The following AUTS2 variants were observed in gnomAD, a reference collection of about 807,000 sequenced individuals.
AUTS2 encodes the protein autism susceptibility gene 2 protein.
In AUTS2, 17 loss-of-function variants were observed where a neutral mutation model predicts 112.4. The observed-to-expected ratio is 0.15, with a 90% CI of 0.10 to 0.23. AUTS2 has a LOEUF of 0.23. Ranked by LOEUF, AUTS2 falls within the 10% of genes least tolerant of loss-of-function variation. The pLI, the probability that AUTS2 is intolerant of heterozygous loss-of-function variation, is 1.00. For synonymous variants in AUTS2, 751 were observed against 702.7 expected (o/e 1.07, Z -1.09); for missense variants, 1,510 against 1,701.6 (o/e 0.89, Z 1.98).
intron 2 of AUTS2, among the ~76,000 whole-genome samples, chr7:69,933,069 A>G (rs1191953926): frequency 2.0e-5 from 3 of 152,234 alleles, no homozygotes. Flanking sequence ...TGGTGTGTTC[A>G]GTGTGTAATT....
intron 2 of AUTS2, among the ~76,000 whole-genome samples, chr7:70,073,091 CCT>C (rs1802862791): frequency 7.4e-6 from 1 of 134,726 alleles, no homozygotes; most frequent in South Asian, 2.8e-4. Context: ...CCTCCTTTCT[CCT>C]CTCCTTTTTT....
rs544538930 is a variant in AUTS2, at chr7:69,996,834, C to T, written c.522+97336C>T. ...CATTTACTCATAAACTGTATGTTTA[C>T]ATGAAAAAATACACATTTTATAACC... On this transcript the variant is annotated intron_variant, in intron 2 of 18. Transcript: ENST00000342771. 3.3e-5 allele frequency among the ~76,000 whole-genome samples: 5 copies of T among 150,438 alleles called. No homozygotes were observed. The South Asian group carries it at 6.3e-4, about 19-fold the overall frequency.
intron 4 of AUTS2, among the ~76,000 whole-genome samples, chr7:70,155,107 T>C (rs1255067238): frequency 6.6e-6 from 1 of 152,174 alleles, no homozygotes; most frequent in African/African-American, 2.4e-5. Context: ...GGAATATTTC[T>C]AGAGAGTGGT....
intron 2 of AUTS2, among the ~76,000 whole-genome samples, chr7:70,117,717 A>G (rs920601797): frequency 6.6e-6 from 1 of 151,968 alleles, no homozygotes; most frequent in African/African-American, 2.4e-5. Context: ...ACTGAGAAGA[A>G]TATTAAAGAT....
intron 4 of AUTS2, among the ~76,000 whole-genome samples, chr7:70,331,516 A>ATT (rs372805565): frequency 0.14 from 19,042 of 140,646 alleles, 1,328 homozygotes; most frequent in South Asian, 0.17. Context: ...GGACTCATTG[A>ATT]TTTTTTTTTT....
chr7:70,153,464 C>G (rs1807567357), intron 4 of AUTS2, among the ~76,000 whole-genome samples: 1 of 152,080 alleles, frequency 6.6e-6, no homozygotes. Context: ...CAGGAGTAAA[C>G]TTTTGTAGGT....
intron 5 of AUTS2, among the ~76,000 whole-genome samples, chr7:70,448,905 G>A (rs1796422771): frequency 6.6e-6 from 1 of 152,166 alleles, no homozygotes; most frequent in Non-Finnish European, 1.5e-5. Flanking sequence ...ATGCTCACAT[G>A]CTTACAGTGC....
At chr7:70,677,268 G>A (rs1407731157) in intron 5 of AUTS2, among the ~76,000 whole-genome samples, 1 of 152,132 alleles carries the variant, frequency 6.6e-6, no homozygotes, top group Non-Finnish European at 1.5e-5. Flanking sequence ...TCATCTCTTT[G>A]CAGAAGACAT....
chr7:69,665,569 A>T (rs1178523748), intron 1 of AUTS2, among the ~76,000 whole-genome samples: 2 of 152,194 alleles, frequency 1.3e-5, no homozygotes, highest in Non-Finnish European at 2.9e-5. Flanking sequence ...TTCCAGCTGC[A>T]GTCCTGATGT....
At chr7:70,690,097 T>G (rs893599580) in intron 5 of AUTS2, among the ~76,000 whole-genome samples, 1 of 152,242 alleles carries the variant, frequency 6.6e-6, no homozygotes, top group Non-Finnish European at 1.5e-5. Flanking sequence ...TCCTGTTATC[T>G]CACTTTCTAG....
At chr7:69,945,218 T>A (rs990502457) in intron 2 of AUTS2, among the ~76,000 whole-genome samples, 2 of 152,186 alleles carry the variant, frequency 1.3e-5, no homozygotes, top group Non-Finnish European at 2.9e-5. Context: ...TAGAACATTT[T>A]ATCACCCATG....
At chr7:70,451,638 C>A (rs1254269845) in intron 5 of AUTS2, among the ~76,000 whole-genome samples, 1 of 152,066 alleles carries the variant, frequency 6.6e-6, no homozygotes, top group Non-Finnish European at 1.5e-5. Context: ...ATAAGAAACA[C>A]CCTGGATGAA....
chr7:69,714,249 A>ATATGTGTG (rs1293327805), intron 1 of AUTS2, among the ~76,000 whole-genome samples: 4 of 92,780 alleles, frequency 4.3e-5, no homozygotes, highest in Non-Finnish European at 1.0e-4. Flanking sequence ...GTGTGTGTAT[A>ATATGTGTG]TGTGTGTGTG....
At chr7:70,500,496 A>C (rs1477939201) in intron 5 of AUTS2, among the ~76,000 whole-genome samples, 1 of 152,222 alleles carries the variant, frequency 6.6e-6, no homozygotes, top group African/African-American at 2.4e-5. Context: ...CTAGAAATGG[A>C]GAGAGACAAA....
chr7:70,618,530 T>C (rs777830400), intron 5 of AUTS2, among the ~76,000 whole-genome samples: 3 of 152,198 alleles, frequency 2.0e-5, no homozygotes, highest in Non-Finnish European at 4.4e-5. Context: ...ATATTTCATA[T>C]CCACAGAGCA....
chr7:70,241,173 A>G (rs1196113878), intron 4 of AUTS2, among the ~76,000 whole-genome samples: 3 of 152,182 alleles, frequency 2.0e-5, no homozygotes, highest in Non-Finnish European at 2.9e-5. Context: ...ATCCCAAATG[A>G]TATCATTATC....
intron 4 of AUTS2, among the ~76,000 whole-genome samples, chr7:70,389,010 G>T (rs1793734327): frequency 6.6e-6 from 1 of 152,160 alleles, no homozygotes; most frequent in Admixed American, 6.5e-5. Context: ...GAGCAAGCTG[G>T]CCAACCAGGT....
At chr7:70,115,419 C>G (rs1464380733) in intron 2 of AUTS2, among the ~76,000 whole-genome samples, 1 of 152,204 alleles carries the variant, frequency 6.6e-6, no homozygotes, top group African/African-American at 2.4e-5. Context: ...AGGTGATCCC[C>G]CCGCTTCAGC....
At chr7:70,548,934 C>CA (rs11357092) in intron 5 of AUTS2, among the ~76,000 whole-genome samples, 8 of 102,644 alleles carry the variant, frequency 7.8e-5, no homozygotes, top group East Asian at 4.8e-4. Context: ...ACCCCCCCCC[C>CA]AAAAAAAAAA....
Sources: allele counts gnomAD v4.1 joint callset (sites outside exome capture counted in the v4.1 genomes callset), GRCh38; gene constraint gnomAD v4.1.1; transcripts MANE v1.5; gene names NCBI Gene and HGNC (gene_info 2026-07-23, HGNC 2026-07-21).